Variants in THOC2 observed in about 807,000 individuals in gnomAD.
THOC2 encodes THO complex subunit 2.
Under a neutral mutation model 128.4 loss-of-function variants are expected in THOC2, and 10 were observed. The ratio of observed to expected loss-of-function variants is 0.08; its 90% CI spans 0.05 to 0.13. The LOEUF is 0.13. Among genes scored for constraint, THOC2 ranks in the 10% least tolerant of loss-of-function variants. The pLI, the probability that THOC2 is intolerant of heterozygous loss-of-function variation, is 1.00. For missense variants in THOC2, 535 were observed against 1,155.7 expected (o/e 0.46, Z 7.79); for synonymous variants, 393 against 396.9 (o/e 0.99, Z 0.12).
intron 1 of THOC2, among the ~76,000 whole-genome samples, chrX:123,721,478 T>C (rs1035362119): frequency 1.9e-5 from 2 of 106,357 alleles, no homozygotes; most frequent in African/African-American, 6.9e-5. Context: ...TGGGCAAGCA[T>C]GTCTTTTTTT....
chrX:123,650,661 T>C (rs185529958), intron 12 of THOC2, among the ~76,000 whole-genome samples: 1 of 111,625 alleles, frequency 9.0e-6, no homozygotes, highest in East Asian at 2.8e-4. Context: ...GCAATCCTAG[T>C]CTCTGATAAA....
At chrX:123,604,093 A>G (rs1009337480) in intron 38 of THOC2, among the ~76,000 whole-genome samples, 1 of 112,337 alleles carries the variant, frequency 8.9e-6, no homozygotes, top group Admixed American at 9.4e-5. Context: ...TGTAAATAAG[A>G]AAGTGTAAGT....
At chrX:123,727,220 A>T (rs149981548) in intron 1 of THOC2, among the ~76,000 whole-genome samples, 1,420 of 110,494 alleles carry the variant, frequency 0.013, 13 homozygotes, top group Non-Finnish European at 0.016. Flanking sequence ...CTCAAAAAAA[A>T]CTTAGTTAAA....
chrX:123,692,493 CCTTT>C, intron 7 of THOC2, among the ~76,000 whole-genome samples: 1 of 92,716 alleles, frequency 1.1e-5, no homozygotes, highest in Non-Finnish European at 2.1e-5. Flanking sequence ...CAAATAACTG[CCTTT>C]TTTTTTTTTT....
At chrX:123,669,832 C>A (rs895315337) in intron 9 of THOC2, among the ~76,000 whole-genome samples, 1 of 111,992 alleles carries the variant, frequency 8.9e-6, no homozygotes, top group African/African-American at 3.2e-5. Flanking sequence ...TTTTGTCCAA[C>A]AGTAAGTTTG....
intron 33 of THOC2, among the ~76,000 whole-genome samples, chrX:123,619,050 G>A (rs2046995538): frequency 8.9e-6 from 1 of 111,824 alleles, no homozygotes; most frequent in Admixed American, 9.5e-5. Flanking sequence ...GATTTGTTTT[G>A]AAAAATTAAA....
At chrX:123,732,010 T>C (rs2052286631) in intron 1 of THOC2, among the ~76,000 whole-genome samples, 1 of 110,765 alleles carries the variant, frequency 9.0e-6, no homozygotes, top group Non-Finnish European at 1.9e-5. Context: ...ATATTTGTTC[T>C]TATATCTGAG....
intron 33 of THOC2, among the ~76,000 whole-genome samples, chrX:123,615,395 A>G (rs1345563049): frequency 1.8e-5 from 2 of 111,210 alleles, no homozygotes; most frequent in Non-Finnish European, 3.8e-5. Context: ...TAAAATTTCA[A>G]TGTTTAAAAG....
intron 8 of THOC2, among the ~76,000 whole-genome samples, chrX:123,676,534 AAGAC>A (rs1311454938): frequency 2.7e-5 from 3 of 112,316 alleles, no homozygotes. Flanking sequence ...GGGGAAGAAT[AAGAC>A]AGCAGCAAAG....
chrX:123,612,752 T>C (rs2046748633), intron 36 of THOC2, among the ~76,000 whole-genome samples: 1 of 111,959 alleles, frequency 8.9e-6, no homozygotes, highest in African/African-American at 3.2e-5. Flanking sequence ...AAATGTTCAT[T>C]ATATAATTTT....
chrX:123,690,354 T>G (rs1328086657), intron 7 of THOC2, among the ~76,000 whole-genome samples: 2 of 112,003 alleles, frequency 1.8e-5, no homozygotes, highest in African/African-American at 6.5e-5. Flanking sequence ...TTGTACACTT[T>G]AAATATAAGC....
At chrX:123,717,190 G>A (rs768554316) in intron 1 of THOC2, among the ~76,000 whole-genome samples, 2 of 111,110 alleles carry the variant, frequency 1.8e-5, no homozygotes, top group South Asian at 7.5e-4. Flanking sequence ...AAATCCTAAT[G>A]ACTACACCAT....
rs775494828 is a variant in THOC2 at position 123,626,666 on chromosome X, C to G, written c.2758-4G>C. ...CTTTTTTCTTTTTATTTGGGGGCTA[C>G]AAAGAATTCAATTAGACACTTTTCT... On this transcript the variant is annotated splice_region_variant and splice_polypyrimidine_tract_variant and intron_variant, in intron 23 of 38. Transcript: ENST00000245838. 1.4e-5 allele frequency: 17 copies of G among 1,183,485 alleles called. No individual in the cohort carries two copies. Among genetic ancestry groups the G allele is most frequent in the Non-Finnish European group, 1.8e-5 (16 of 886,543 alleles).
intron 16 of THOC2, 30 bp from the exon 17 acceptor site, chrX:123,639,057 A>G: frequency 1.2e-6 from 1 of 828,699 alleles, no homozygotes; most frequent in Non-Finnish European, 1.8e-6. Flanking sequence ...AATAGAAGGC[A>G]TTAACTGATC....
In THOC2 at chrX:123,678,267, CT is replaced by C. The variant is rs760673764; in HGVS notation, c.769-6507del. ...CAGCATTGGGGTCCATGTTTTCAAA[CT>C]TTTTTTTTTTTTTTTGAGATGGAGT... On this transcript the variant is annotated intron_variant, in intron 8 of 38. Transcript: ENST00000245838. Among the ~76,000 whole-genome samples, 478 of 98,125 alleles carry C rather than the reference CT, an allele frequency of 4.9e-3. 3 individuals are homozygous for C. The highest frequency in any genetic ancestry group is 0.012 in the African/African-American group (317 of 26,841). The allele number at this position is 98,125 out of a possible 115,157, so 85.2% of individuals were successfully genotyped here. A position where few individuals can be genotyped will look rare whatever the true frequency, so the allele number is the denominator to read the frequency against.
At chrX:123,678,168 T>C (rs1275819041) in intron 8 of THOC2, among the ~76,000 whole-genome samples, 9 of 111,646 alleles carry the variant, frequency 8.1e-5, no homozygotes. Flanking sequence ...CCTGGTTTGT[T>C]TGTTTCATCA....
chrX:123,649,118 GA>G (rs765760790), intron 12 of THOC2, among the ~76,000 whole-genome samples: 17 of 112,258 alleles, frequency 1.5e-4, no homozygotes, highest in Non-Finnish European at 2.8e-4. Context: ...CCCGAAGAAG[GA>G]AAAGACAACA....
intron 30 of THOC2, 124 bp downstream of exon 30, chrX:123,622,634 C>T (rs1293661078): frequency 2.2e-6 from 1 of 450,304 alleles, no homozygotes. Flanking sequence ...AGGTGGATCG[C>T]TTGAGGCCAG....
At chrX:123,640,685 C>A in intron 15 of THOC2, 63 bp from the exon 16 acceptor site, 1 of 641,983 alleles carries the variant, frequency 1.6e-6, no homozygotes, top group Admixed American at 3.5e-5. Flanking sequence ...ATGTTGATAG[C>A]TTTGTTACAT....
Sources: allele counts gnomAD v4.1 joint callset (sites outside exome capture counted in the v4.1 genomes callset), GRCh38; gene constraint gnomAD v4.1.1; transcripts MANE v1.5; gene names NCBI Gene and HGNC (gene_info 2026-07-23, HGNC 2026-07-21).